The following SLC2A12 variants were observed in gnomAD, a reference collection of about 807,000 sequenced individuals.
The protein encoded by SLC2A12 is solute carrier family 2 member 12, also known as solute carrier family 2, facilitated glucose transporter member 12.
In SLC2A12, 23 loss-of-function variants were observed where a neutral mutation model predicts 41.8. The ratio of observed to expected loss-of-function variants is 0.55; its 90% CI spans 0.40 to 0.78. The LOEUF (loss-of-function observed/expected upper bound fraction) is 0.78. Ranked by LOEUF, SLC2A12 falls within the 30% of genes least tolerant of loss-of-function variation. The pLI is 0.00. For missense variants in SLC2A12, 654 were observed against 745.6 expected, an observed-to-expected ratio of 0.88 and a Z score of 1.43; for synonymous variants, 295 against 285.9, an observed-to-expected ratio of 1.03 and a Z score of -0.32.
rs571072105 is a variant in SLC2A12, at chr6:134,050,800, A to G, written c.103+1578T>C. On this transcript the variant is annotated intron_variant, in intron 1 of 4. Transcript: ENST00000275230. ...CAACTCTTTCCCTTTATCTCCAAAT[A>G]TAAGTTTCCCTTGCCTGCTCTTAGG... Among the ~76,000 whole-genome samples the G allele has an allele frequency of 2.0e-5, 3 of 152,338 alleles. No homozygotes were observed. In the South Asian group the frequency reaches 6.2e-4, roughly 32 times the overall value.
intron 1 of SLC2A12, among the ~76,000 whole-genome samples, chr6:134,042,350 G>C (rs992734880): frequency 6.6e-6 from 1 of 152,110 alleles, no homozygotes; most frequent in African/African-American, 2.4e-5. Context: ...ATTAATACCT[G>C]AATGGCCACC....
chr6:134,024,666 A>G (rs1414268773), intron 2 of SLC2A12, among the ~76,000 whole-genome samples: 1 of 152,224 alleles, frequency 6.6e-6, no homozygotes, highest in African/African-American at 2.4e-5. Flanking sequence ...GCTCTTAGTA[A>G]ATGATGATGA....
intron 4 of SLC2A12, among the ~76,000 whole-genome samples, chr6:133,996,940 C>T (rs998363750): frequency 1.3e-5 from 2 of 152,008 alleles, no homozygotes; most frequent in Non-Finnish European, 2.9e-5. Flanking sequence ...TTTTGCCAAC[C>T]TGTTGGTTCA....
At chr6:134,032,426 TTA>T (rs1210191475) in intron 1 of SLC2A12, among the ~76,000 whole-genome samples, 3,973 of 35,236 alleles carry the variant, frequency 0.11, 93 homozygotes, top group Admixed American at 0.18. Context: ...ATATATATAT[TTA>T]TATATATATA....
At chr6:134,009,325 G>A (rs184734839) in intron 2 of SLC2A12, 34 of 152,288 alleles carry the variant, frequency 2.2e-4, no homozygotes, top group African/African-American at 7.2e-4. Flanking sequence ...GTCTCTGTTC[G>A]AAAGGAAACT....
rs1776823618 is a variant in SLC2A12 at position 134,006,954 on chromosome 6, G to A, written c.1445-20C>T. 1 of 1,613,712 alleles carries A rather than the reference G, an allele frequency of 6.2e-7. No homozygotes were observed. The highest frequency in any genetic ancestry group is 1.3e-5 in the African/African-American group (1 of 75,042). On this transcript the variant is annotated intron_variant, in intron 2 of 4. Coordinates refer to ENST00000275230, the MANE Select transcript of SLC2A12 (RefSeq NM_145176.3). Reference sequence around the variant, plus strand: ...AGGGCACTAGAAGAAAGGCAAGAGTGGGTGGCGGACAGCACATTTAGCAAA... The same window carrying A: ...AGGGCACTAGAAGAAAGGCAAGAGTAGGTGGCGGACAGCACATTTAGCAAA...
In SLC2A12 at chr6:133,991,269, G is replaced by A; in HGVS notation, c.1740C>T (p.His580=). ...VKNNICFMSH[H]QEELVPKQPQ... Reference sequence around the variant, plus strand: ...GCTGTTTTGGCACTAATTCTTCTTGGTGATGACTCATAAAACAAATGTTGT... The same window carrying A: ...GCTGTTTTGGCACTAATTCTTCTTGATGATGACTCATAAAACAAATGTTGT... The change falls in exon 5 of 5, where the codon CAC becomes CAT. Residue 580 remains histidine, a synonymous_variant. Transcript: ENST00000275230. 6.2e-7 allele frequency: 1 copy of A among 1,613,926 alleles called. No individual in the cohort carries two copies. The highest frequency in any genetic ancestry group is 8.5e-7 in the Non-Finnish European group (1 of 1,179,948).
chr6:134,004,041 T>C (rs912982078), intron 3 of SLC2A12, among the ~76,000 whole-genome samples: 2 of 152,224 alleles, frequency 1.3e-5, no homozygotes, highest in African/African-American at 4.8e-5. Flanking sequence ...GCTTTTTGTT[T>C]TTAAGTGGAT....
rs1445780139 is a variant in SLC2A12, at chr6:134,019,325, T to C, written c.1444+9056A>G. Among the ~76,000 whole-genome samples the C allele has an allele frequency of 3.3e-5, 5 of 152,084 alleles. No individual in the cohort carries two copies. In the South Asian group the frequency reaches 6.2e-4, roughly 19 times the overall value. ...TGAAATAATAACATTATGCCTTGGG[T>C]TTTGGCTCATCTTGACTTTACTTGT... On this transcript the variant is annotated intron_variant, in intron 2 of 4. Transcript: ENST00000275230.
intron 4 of SLC2A12, among the ~76,000 whole-genome samples, chr6:133,996,504 C>CT (rs1776689150): frequency 6.6e-6 from 1 of 152,098 alleles, no homozygotes; most frequent in South Asian, 2.1e-4. Flanking sequence ...GTTTTTTCAG[C>CT]TTTTTAGAAA....
At chr6:134,010,781 T>C (rs1167164135) in intron 2 of SLC2A12, among the ~76,000 whole-genome samples, 4 of 152,094 alleles carry the variant, frequency 2.6e-5, no homozygotes, top group Non-Finnish European at 5.9e-5. Context: ...GAAGGGCAAG[T>C]TCGTTGAAGT....
chr6:134,005,126 A>T (rs1214847444), intron 3 of SLC2A12, among the ~76,000 whole-genome samples: 2 of 152,216 alleles, frequency 1.3e-5, no homozygotes, highest in African/African-American at 2.4e-5. Flanking sequence ...AACAAGGCGA[A>T]TGCTTCTGTT....
intron 4 of SLC2A12, among the ~76,000 whole-genome samples, chr6:133,996,093 G>A (rs546197655): frequency 2.5e-4 from 38 of 152,340 alleles, no homozygotes; most frequent in African/African-American, 9.1e-4. Flanking sequence ...TGTACTCGCT[G>A]ATAATGTTAT....
Position 134,029,101 on chromosome 6 carries a change from C to T in SLC2A12, c.724G>A (p.Ala242Thr). ...AGTTCCTCAGTTGTATCTGAGAGTG[C>T]TCTTAACCTTCCAAGAACCTTGCTA... is the stretch of plus-strand genomic sequence containing the variant. ...AASKVLGRLRALSDTTEELTV... is the reference protein window; with the variant it reads ...AASKVLGRLRTLSDTTEELTV... Residue 242 changes from alanine to threonine, a missense_variant, in exon 2 of 5, where the codon GCA becomes ACA. Transcript: ENST00000275230. 6.2e-7 allele frequency: 1 copy of T among 1,614,170 alleles called. No homozygotes were observed. Among genetic ancestry groups the T allele is most frequent in the Non-Finnish European group, 8.5e-7 (1 of 1,180,036 alleles).
intron 1 of SLC2A12, among the ~76,000 whole-genome samples, chr6:134,052,163 C>T (rs1278865743): frequency 6.6e-6 from 1 of 151,922 alleles, no homozygotes; most frequent in African/African-American, 2.4e-5. Flanking sequence ...ATCTTCACAA[C>T]ATTACAGCTC....
chr6:134,036,065 CA>C (rs1306391508), intron 1 of SLC2A12, among the ~76,000 whole-genome samples: 1 of 152,202 alleles, frequency 6.6e-6, no homozygotes, highest in Non-Finnish European at 1.5e-5. Flanking sequence ...CTTTCTTCCC[CA>C]TATGCCTTTT....
At chr6:134,017,819 A>C (rs1454995897) in intron 2 of SLC2A12, among the ~76,000 whole-genome samples, 1 of 150,824 alleles carries the variant, frequency 6.6e-6, no homozygotes, top group Non-Finnish European at 1.5e-5. Context: ...GCGCCACTGC[A>C]CTCCATCCAG....
chr6:134,002,816 C>G (rs1776768670), intron 3 of SLC2A12, among the ~76,000 whole-genome samples: 1 of 152,206 alleles, frequency 6.6e-6, no homozygotes, highest in African/African-American at 2.4e-5. Context: ...TCACAAGAAG[C>G]AGGATCCTCA....
At chr6:134,038,200 C>T (rs1362144278) in intron 1 of SLC2A12, among the ~76,000 whole-genome samples, 1 of 152,100 alleles carries the variant, frequency 6.6e-6, no homozygotes, top group Non-Finnish European at 1.5e-5. Flanking sequence ...GACATCCTTT[C>T]CTGAAACTAA....
Sources: allele counts gnomAD v4.1 joint callset (sites outside exome capture counted in the v4.1 genomes callset), GRCh38; gene constraint gnomAD v4.1.1; transcripts MANE v1.5; gene names NCBI Gene and HGNC (gene_info 2026-07-23, HGNC 2026-07-21).